ITGAV: variants seen among roughly 807,000 people sequenced by gnomAD.
ITGAV encodes integrin alpha-V.
A neutral mutation model predicts 143.8 loss-of-function variants in ITGAV; 76 were observed. The observed-to-expected ratio is 0.53, with a 90% CI of 0.44 to 0.64. The LOEUF is 0.64. ITGAV is among the 30% of genes least tolerant of loss of function. ITGAV has a pLI of 0.00. For missense variants in ITGAV, 1,193 were observed against 1,274.7 expected (o/e 0.94, Z 0.98); for synonymous variants, 453 against 446.7 (o/e 1.01, Z -0.18).
chr2:186,616,312 T>C (rs1434212918), intron 2 of ITGAV, among the ~76,000 whole-genome samples: 1 of 132,558 alleles, frequency 7.5e-6, no homozygotes, highest in Non-Finnish European at 1.5e-5. Flanking sequence ...GGAGTCTCGC[T>C]CTGTCGCCCA....
chr2:186,616,440 G>C (rs889142060), intron 2 of ITGAV, among the ~76,000 whole-genome samples: 1 of 151,490 alleles, frequency 6.6e-6, no homozygotes, highest in Admixed American at 6.6e-5. Context: ...CAGCACGCCC[G>C]GCTAATTTTT....
At chr2:186,603,337 C>A (rs1686966321) in intron 2 of ITGAV, among the ~76,000 whole-genome samples, 1 of 152,092 alleles carries the variant, frequency 6.6e-6, no homozygotes, top group Non-Finnish European at 1.5e-5. Flanking sequence ...GGAAATATGT[C>A]AGTGAAACAG....
chr2:186,630,891 C>T (rs768958675), intron 5 of ITGAV, 33 bp downstream of exon 5: 1 of 1,186,926 alleles, frequency 8.4e-7, no homozygotes, highest in East Asian at 2.3e-5. Context: ...ATGAGATTCA[C>T]ATCTACCTTA....
intron 21 of ITGAV, among the ~76,000 whole-genome samples, chr2:186,665,825 A>T (rs760331499): frequency 1.3e-5 from 2 of 152,232 alleles, no homozygotes; most frequent in Non-Finnish European, 2.9e-5. Context: ...TGATACTGGT[A>T]CTTTGAAGAT....
rs1419515936 is a variant in ITGAV at position 186,631,396 on chromosome 2, CT to C, written c.585+539del. ...ATGTATTTTTAACTAAATTAATATT[CT>C]CTTCAGAATTGATATTTTTAATCTA... On this transcript the variant is annotated intron_variant, in intron 5 of 29. Coordinates refer to ENST00000261023, the MANE Select transcript of ITGAV (RefSeq NM_002210.5). Among the ~76,000 whole-genome samples the C allele has an allele frequency of 2.0e-5, 3 of 152,118 alleles. No homozygotes were observed. The South Asian group carries it at 6.2e-4, about 31-fold the overall frequency.
chr2:186,640,702 A>G (rs1310632109), intron 10 of ITGAV, among the ~76,000 whole-genome samples: 2 of 152,192 alleles, frequency 1.3e-5, no homozygotes, highest in East Asian at 1.9e-4. Flanking sequence ...GTGTATATAC[A>G]TGTAATATAT....
At chr2:186,653,046 C>T (rs1360958997) in intron 15 of ITGAV, among the ~76,000 whole-genome samples, 1 of 149,796 alleles carries the variant, frequency 6.7e-6, no homozygotes, top group Non-Finnish European at 1.5e-5. Flanking sequence ...CCCGGGTTCA[C>T]GCCATTCTCC....
At chr2:186,653,327 A>G (rs1198276999) in intron 15 of ITGAV, among the ~76,000 whole-genome samples, 1 of 152,106 alleles carries the variant, frequency 6.6e-6, no homozygotes, top group African/African-American at 2.4e-5. Flanking sequence ...ACTAATGAAA[A>G]ATCTTGACCC....
At chr2:186,615,841 T>C (rs1451213945) in intron 2 of ITGAV, among the ~76,000 whole-genome samples, 1 of 152,202 alleles carries the variant, frequency 6.6e-6, no homozygotes. Flanking sequence ...TCTTTTATCA[T>C]TATGCTTTTG....
Position 186,666,749 on chromosome 2 carries a change from G to T in ITGAV, c.2212G>T (p.Asp738Tyr). The change falls in exon 22 of 30, where the codon GAT becomes TAT. Residue 738 changes from aspartate to tyrosine, a missense_variant. Physicochemically the swap from Asp to Tyr is radical, Grantham distance 160 (BLOSUM62 -3). Transcript: ENST00000261023. ...RFSVHQQSEM[D>Y]TSVKFDLQIQ... ...CAGTGTGCACCAGCAGTCAGAGATGGATACTTCTGTGAAATTTGACTTACA... is the reference window on the plus strand; with the variant it reads ...CAGTGTGCACCAGCAGTCAGAGATGTATACTTCTGTGAAATTTGACTTACA... The T allele has an allele frequency of 6.3e-7, 1 of 1,585,678 alleles. No individual in the cohort carries two copies. The highest frequency in any genetic ancestry group is 8.6e-7 in the Non-Finnish European group (1 of 1,168,356).
At chr2:186,672,795 G>A (rs1369550422) in intron 26 of ITGAV, among the ~76,000 whole-genome samples, 1 of 152,134 alleles carries the variant, frequency 6.6e-6, no homozygotes, top group East Asian at 1.9e-4. Context: ...GTTGCAAAGA[G>A]TTATTTATAT....
chr2:186,614,128 G>C (rs529444544), intron 2 of ITGAV, among the ~76,000 whole-genome samples: 212 of 152,112 alleles, frequency 1.4e-3, no homozygotes, highest in Non-Finnish European at 1.7e-3. Flanking sequence ...AGGATTGAAG[G>C]ATATTTATCC....
At chr2:186,610,266 T>C (rs1421519644) in intron 2 of ITGAV, among the ~76,000 whole-genome samples, 1 of 152,224 alleles carries the variant, frequency 6.6e-6, no homozygotes. Flanking sequence ...CTCGCTGCTT[T>C]GATTTTTGAA....
intron 18 of ITGAV, 105 bp downstream of exon 18, chr2:186,659,280 TA>T: frequency 7.7e-6 from 6 of 779,902 alleles, no homozygotes; most frequent in Non-Finnish European, 9.1e-6. Flanking sequence ...GATAGATGTT[TA>T]GTCAAAGTCA....
At chr2:186,640,842 A>C (rs957072141) in intron 10 of ITGAV, 73 bp from the exon 11 acceptor site, 1 of 1,194,586 alleles carries the variant, frequency 8.4e-7, no homozygotes, top group Non-Finnish European at 1.2e-6. Context: ...TATTTGGTAC[A>C]TATATTACAA....
intron 24 of ITGAV, 46 bp downstream of exon 24, chr2:186,667,822 G>A (rs202198611): frequency 8.2e-6 from 10 of 1,217,042 alleles, no homozygotes; most frequent in Non-Finnish European, 1.2e-5. Flanking sequence ...GCAAGCCAAC[G>A]AAGAGAGGAA....
At chr2:186,653,464 TA>T (rs2105729041) in intron 15 of ITGAV, among the ~76,000 whole-genome samples, 1 of 152,298 alleles carries the variant, frequency 6.6e-6, no homozygotes, top group South Asian at 2.1e-4. Context: ...GATTGGTGCC[TA>T]AAAAAGTTTT....
chr2:186,634,465 C>T (rs1340731720), intron 6 of ITGAV, among the ~76,000 whole-genome samples: 1 of 146,540 alleles, frequency 6.8e-6, no homozygotes, highest in African/African-American at 2.5e-5. Flanking sequence ...TTGTAGAAAA[C>T]ATGCTTGCTT....
intron 5 of ITGAV, among the ~76,000 whole-genome samples, chr2:186,632,094 C>A (rs1395308234): frequency 2.6e-5 from 4 of 151,870 alleles, no homozygotes; most frequent in Non-Finnish European, 5.9e-5. Flanking sequence ...AGACTAGGTA[C>A]TGATAATTAT....
Sources: allele counts gnomAD v4.1 joint callset (sites outside exome capture counted in the v4.1 genomes callset), GRCh38; gene constraint gnomAD v4.1.1; transcripts MANE v1.5; gene names NCBI Gene and HGNC (gene_info 2026-07-23, HGNC 2026-07-21).